The following FAM234A variants were observed in gnomAD, a reference collection of about 807,000 sequenced individuals.
The protein encoded by FAM234A is family with sequence similarity 234 member A.
FAM234A carries 42 observed loss-of-function variants against 49.1 expected under a neutral mutation model. The ratio of observed to expected loss-of-function variants is 0.86; its 90% CI spans 0.67 to 1.11. The LOEUF is 1.11. FAM234A is among the 50% of genes least tolerant of loss of function. The pLI, the probability that FAM234A is intolerant of heterozygous loss-of-function variation, is 0.00. For synonymous variants in FAM234A, 369 were observed against 316.2 expected (o/e 1.17, Z -1.77); for missense variants, 815 against 745.2 (o/e 1.09, Z -1.09).
rs1190010122 is a variant in FAM234A, at chr16:264,833, C to A, written c.1470C>A (p.Arg490=). 4 of 1,611,002 alleles carry A rather than the reference C, an allele frequency of 2.5e-6. No homozygotes were observed. The South Asian group carries it at 4.4e-5, about 18-fold the overall frequency. ...CAGCCGTCCTGTTTGAGCCAAGCCG[C>A]CACGCCGCCTACATCCTTCTGACAG... ...AFDAVLFEPS[R]HAAYILLTGP... The change falls in exon 13 of 13, where the codon CGC becomes CGA. Residue 490 remains arginine (R), a synonymous_variant. Coordinates refer to ENST00000399932, the MANE Select transcript of FAM234A (RefSeq NM_032039.4).
Position 260,687 on chromosome 16 carries a change from G to A in FAM234A, c.577+527G>A, listed in dbSNP as rs1019456176. 3.4e-5 allele frequency: 16 copies of A among 465,110 alleles called. 1 individual carries two copies. The highest frequency in any genetic ancestry group is 1.6e-4 in the African/African-American group (8 of 49,938). 28.8% of individuals were successfully genotyped at this position (465,110 alleles called of 1,614,324 possible). On this transcript the variant is annotated intron_variant, in intron 5 of 12. Coordinates refer to ENST00000399932, the MANE Select transcript of FAM234A (RefSeq NM_032039.4). ...GTGTGGGCTCCTTGCACCTCATCGC[G>A]GTCTGGAAGATTTCTGTGCCTAGAT...
At chr16:238,174 A>G (rs967574874) in intron 1 of FAM234A, among the ~76,000 whole-genome samples, 10 of 152,216 alleles carry the variant, frequency 6.6e-5, no homozygotes, top group Admixed American at 5.9e-4. Context: ...GTGCATCACC[A>G]TGCCGGGCTA....
At chr16:258,028 C>A (rs1025417969) in intron 3 of FAM234A, among the ~76,000 whole-genome samples, 1 of 151,756 alleles carries the variant, frequency 6.6e-6, no homozygotes, top group Non-Finnish European at 1.5e-5. Context: ...CGGCTAATTT[C>A]TGTATTTTTA....
intron 7 of FAM234A, 26 bp from the exon 8 acceptor site, chr16:262,398 C>T (rs767444843): frequency 1.3e-6 from 2 of 1,579,162 alleles, no homozygotes; most frequent in East Asian, 2.2e-5. Flanking sequence ...CCCTGGTGAC[C>T]TCGGGCCCTT....
chr16:254,920 ATC>A (rs2051172124), intron 3 of FAM234A, among the ~76,000 whole-genome samples: 2 of 152,186 alleles, frequency 1.3e-5, no homozygotes, highest in African/African-American at 2.4e-5. Context: ...CACTGGCACA[ATC>A]TCAGCTCACC....
intron 1 of FAM234A, 37 bp downstream of exon 1, chr16:234,894 C>G (rs941996464): frequency 3.3e-5 from 5 of 152,280 alleles, no homozygotes; most frequent in African/African-American, 1.2e-4. Flanking sequence ...GCGTGCACGC[C>G]GCAGGGGCGC....
intron 1 of FAM234A, among the ~76,000 whole-genome samples, chr16:237,887 A>T (rs970134544): frequency 6.6e-6 from 1 of 151,520 alleles, no homozygotes; most frequent in African/African-American, 2.4e-5. Context: ...TATTTTTAGT[A>T]AAGACGGGGT....
At chr16:269,307 C>CT, downstream of FAM234A, 1 of 1,592,588 alleles carries the variant, frequency 6.3e-7, no homozygotes, top group Non-Finnish European at 8.5e-7. Flanking sequence ...CCACAAGCCG[C>CT]TGTGGGCTCC....
At chr16:268,707 A>G, downstream of FAM234A, 2 of 1,483,450 alleles carry the variant, frequency 1.3e-6, no homozygotes, top group Admixed American at 2.0e-5. Flanking sequence ...AGGGAGGAAT[A>G]GGCGCAGCTC....
At chr16:245,273 G>A (rs2050766007) in intron 1 of FAM234A, among the ~76,000 whole-genome samples, 1 of 152,158 alleles carries the variant, frequency 6.6e-6, no homozygotes, top group African/African-American at 2.4e-5. Flanking sequence ...CTCGAACCCA[G>A]CAGGAGGAGG....
intron 5 of FAM234A, chr16:260,854 T>C (rs1046169706): frequency 5.7e-6 from 2 of 353,562 alleles, no homozygotes; most frequent in African/African-American, 4.3e-5. Flanking sequence ...CGTAAGGAGT[T>C]GGACGAGGAC....
intron 2 of FAM234A, 115 bp from the exon 3 acceptor site, chr16:254,266 C>T: frequency 1.3e-6 from 1 of 768,114 alleles, no homozygotes; most frequent in Non-Finnish European, 2.2e-6. Flanking sequence ...GGCTGGTGGC[C>T]CATAGTTAGA....
chr16:245,826 T>A (rs2141215354), intron 1 of FAM234A, among the ~76,000 whole-genome samples: 1 of 152,326 alleles, frequency 6.6e-6, no homozygotes, highest in African/African-American at 2.4e-5. Flanking sequence ...GATTTCCACC[T>A]TTGGGGTCAT....
chr16:269,657 A>T, downstream of FAM234A: 1 of 1,224,884 alleles, frequency 8.2e-7, no homozygotes, highest in Non-Finnish European at 1.2e-6. Context: ...CCGAAGGAGC[A>T]GCCAAACATT....
Position 246,417 on chromosome 16 carries a change from C to CTTTT in FAM234A, c.-139-3113_-139-3110dup, listed in dbSNP as rs1183467460. ...CCTCAGCCTCCTGAGTAGGTGGTGG[C>CTTTT]TTTTTTTTTTTTTTTTTTTTTTGAG... On this transcript the variant is annotated intron_variant, in intron 1 of 12. Coordinates refer to ENST00000399932, the MANE Select transcript of FAM234A (RefSeq NM_032039.4). Among the ~76,000 whole-genome samples the CTTTT allele has an allele frequency of 1.7e-3, 117 of 67,296 alleles. 7 individuals are homozygous for CTTTT. The highest frequency in any genetic ancestry group is 2.4e-3 in the African/African-American group (33 of 14,028). The allele number at this position is 67,296 out of a possible 152,430, so 44.1% of individuals were successfully genotyped here.
Position 239,924 on chromosome 16 carries a change from G to C in FAM234A, c.-140+5067G>C, listed in dbSNP as rs576379874. On this transcript the variant is annotated intron_variant, in intron 1 of 12. Coordinates refer to ENST00000399932, the MANE Select transcript of FAM234A (RefSeq NM_032039.4). ...GAACCATGATCTTTAAAGTGGTTCT[G>C]GAAAAATGGTTATGGGCCTGTTCTT... Among the ~76,000 whole-genome samples, 41 of 152,254 alleles carry C rather than the reference G, an allele frequency of 2.7e-4. 1 individual carries two copies. In the South Asian group the frequency reaches 8.3e-3, roughly 31 times the overall value.
intron 1 of FAM234A, among the ~76,000 whole-genome samples, chr16:235,537 G>A (rs1202746609): frequency 1.3e-5 from 2 of 152,206 alleles, no homozygotes; most frequent in Non-Finnish European, 2.9e-5. Context: ...CAGACTGATA[G>A]GATATCAGGG....
At chr16:263,491 G>A in intron 9 of FAM234A, 89 bp downstream of exon 9, 3 of 1,543,264 alleles carry the variant, frequency 1.9e-6, no homozygotes, top group South Asian at 1.2e-5. Context: ...AGACAGCGCT[G>A]GGGGTGGGGC....
chr16:261,075 C>A, intron 5 of FAM234A: 1 of 290,316 alleles, frequency 3.4e-6, no homozygotes, highest in Non-Finnish European at 6.8e-6. Context: ...TTCCAGGACA[C>A]GCAGATAGGA....
Sources: allele counts gnomAD v4.1 joint callset (sites outside exome capture counted in the v4.1 genomes callset), GRCh38; gene constraint gnomAD v4.1.1; transcripts MANE v1.5; gene names NCBI Gene and HGNC (gene_info 2026-07-23, HGNC 2026-07-21).